SAXO1: variants seen among roughly 807,000 people sequenced by gnomAD.
SAXO1 encodes stabilizer of axonemal microtubules 1, also known as 4930500O09Rik.
Under a neutral mutation model 17.5 loss-of-function variants are expected in SAXO1, and 21 were observed. The observed-to-expected ratio is 1.20, with a 90% CI of 0.85 to 1.72. SAXO1 has a LOEUF of 1.72. Among genes scored for constraint, SAXO1 ranks in the 40% most tolerant of loss-of-function variants. The pLI, the probability that SAXO1 is intolerant of heterozygous loss-of-function variation, is 0.00. For missense variants in SAXO1, 843 were observed against 596.0 expected (o/e 1.41, Z -4.32); for synonymous variants, 274 against 216.5 (o/e 1.27, Z -2.33).
At chr9:18,994,569 C>G (rs1258290956) in intron 1 of SAXO1, among the ~76,000 whole-genome samples, 1 of 152,288 alleles carries the variant, frequency 6.6e-6, no homozygotes, top group Non-Finnish European at 1.5e-5. Context: ...AAGGATGTGG[C>G]TTCCGGCAGG....
chr9:19,004,277 C>G (rs1038601505), intron 1 of SAXO1, among the ~76,000 whole-genome samples: 3 of 152,208 alleles, frequency 2.0e-5, no homozygotes, highest in Non-Finnish European at 4.4e-5. Context: ...TGCTTTTACA[C>G]TGTTGGTGGG....
chr9:18,941,562 C>A, intron 3 of SAXO1, 75 bp downstream of exon 3: 1 of 1,560,578 alleles, frequency 6.4e-7, no homozygotes, highest in Middle Eastern at 2.1e-4. Context: ...TGAGTATGCA[C>A]ATAAAACACA....
At chr9:18,963,741 G>C (rs1832592052) in intron 1 of SAXO1, among the ~76,000 whole-genome samples, 1 of 152,152 alleles carries the variant, frequency 6.6e-6, no homozygotes, top group South Asian at 2.1e-4. Flanking sequence ...ACTGCAAACA[G>C]AGACAATTTG....
chr9:19,022,656 C>T (rs968366309), intron 1 of SAXO1, among the ~76,000 whole-genome samples: 3 of 152,162 alleles, frequency 2.0e-5, no homozygotes, highest in African/African-American at 7.2e-5. Flanking sequence ...TATTGACCAG[C>T]ACTGGGAGAA....
intron 1 of SAXO1, among the ~76,000 whole-genome samples, chr9:18,969,178 C>A (rs1832852290): frequency 6.6e-6 from 1 of 152,126 alleles, no homozygotes; most frequent in African/African-American, 2.4e-5. Context: ...GGCTTTAGTC[C>A]AACCACCTGG....
rs558027732 is a variant in SAXO1 at position 19,000,461 on chromosome 9, G to A, written c.38+32410C>T. 7.9e-5 allele frequency among the ~76,000 whole-genome samples: 12 copies of A among 152,214 alleles called. No individual in the cohort carries two copies. The East Asian group carries it at 1.9e-3, about 25-fold the overall frequency. On this transcript the variant is annotated intron_variant, in intron 1 of 3. Coordinates refer to ENST00000380534, the MANE Select transcript of SAXO1 (RefSeq NM_153707.4). Reference sequence around the variant, plus strand: ...CCTCTGCCAGGCCGCCCCACCGTCTGGGATGTGAGGAGTGCCTCTGCCCGC... The same window carrying A: ...CCTCTGCCAGGCCGCCCCACCGTCTAGGATGTGAGGAGTGCCTCTGCCCGC...
intron 1 of SAXO1, among the ~76,000 whole-genome samples, chr9:19,018,094 A>G (rs1023147866): frequency 6.6e-6 from 1 of 151,532 alleles, no homozygotes; most frequent in Admixed American, 6.6e-5. Context: ...CTTGAGTCTG[A>G]GAGTTTGAGG....
chr9:18,974,516 G>A (rs6475296), intron 1 of SAXO1, among the ~76,000 whole-genome samples: 123,115 of 152,154 alleles, frequency 0.81, 50,016 homozygotes, highest in Non-Finnish European at 0.83. Flanking sequence ...GAAATACAAG[G>A]TAAGCCTGGA....
chr9:18,999,812 C>A (rs1327933638), intron 1 of SAXO1, among the ~76,000 whole-genome samples: 2 of 148,784 alleles, frequency 1.3e-5, no homozygotes, highest in African/African-American at 5.0e-5. Context: ...GCCCGGCTGT[C>A]CCACTGTCTG....
At chr9:18,948,623 G>A (rs550235629) in intron 2 of SAXO1, among the ~76,000 whole-genome samples, 13 of 152,252 alleles carry the variant, frequency 8.5e-5, no homozygotes, top group African/African-American at 2.2e-4. Flanking sequence ...TTTGTTTAGC[G>A]AAGCACCATC....
intron 1 of SAXO1, among the ~76,000 whole-genome samples, chr9:18,956,329 T>A (rs770391459): frequency 6.6e-6 from 1 of 152,102 alleles, no homozygotes; most frequent in Non-Finnish European, 1.5e-5. Flanking sequence ...TCCCCTGCAA[T>A]CAACTGGCAG....
chr9:19,027,293 G>C, intron 1 of SAXO1: 3 of 875,588 alleles, frequency 3.4e-6, no homozygotes, highest in Middle Eastern at 2.2e-4. Flanking sequence ...CAGGAGACCT[G>C]GTGGGTGTGA....
Position 18,927,953 on chromosome 9 carries a change from T to C in SAXO1, c.*99A>G. 7.2e-7 allele frequency: 1 copy of C among 1,394,378 alleles called. No individual in the cohort carries two copies. Among genetic ancestry groups the C allele is most frequent in the Non-Finnish European group, 9.6e-7 (1 of 1,041,926 alleles). The allele number at this position is 1,394,378 out of a possible 1,614,324, so 86.4% of individuals were successfully genotyped here. ...GTGGTGAAGGTTTTTTGTTTTTTGT[T>C]TTTTGTCATTTTAGGGAATTCTTTT... is the stretch of plus-strand genomic sequence containing the variant. On this transcript the variant is annotated 3_prime_UTR_variant, in exon 4 of 4. Coordinates refer to ENST00000380534, the MANE Select transcript of SAXO1 (RefSeq NM_153707.4).
chr9:18,939,810 GAT>G (rs1038051763), intron 3 of SAXO1, among the ~76,000 whole-genome samples: 3 of 152,204 alleles, frequency 2.0e-5, no homozygotes, highest in African/African-American at 7.2e-5. Flanking sequence ...TTGATAAAAT[GAT>G]ATGATTAGAC....
Position 18,928,859 on chromosome 9 carries a change from G to A in SAXO1, c.618C>T (p.Asn206=). The A allele has an allele frequency of 6.2e-7, 1 of 1,614,170 alleles. No individual in the cohort carries two copies. The highest frequency in any genetic ancestry group is 8.5e-7 in the Non-Finnish European group (1 of 1,180,044). The change falls in exon 4 of 4, where the codon AAC becomes AAT. Residue 206 remains asparagine, a synonymous_variant. Coordinates refer to ENST00000380534, the MANE Select transcript of SAXO1 (RefSeq NM_153707.4). ...GGTGGGCCACATAGCTCATCTTGTAGTTAGTCACATCCTCCAAGGGGATGT... is the reference window on the plus strand; with the variant it reads ...GGTGGGCCACATAGCTCATCTTGTAATTAGTCACATCCTCCAAGGGGATGT... ...LCNIPLEDVT[N]YKMSYVAHPV...
chr9:18,961,695 C>G (rs1832491915), intron 1 of SAXO1, among the ~76,000 whole-genome samples: 1 of 152,160 alleles, frequency 6.6e-6, no homozygotes, highest in Non-Finnish European at 1.5e-5. Flanking sequence ...GCACAGTATT[C>G]CATGGTGTAT....
At chr9:19,001,123 T>C (rs773652168) in intron 1 of SAXO1, among the ~76,000 whole-genome samples, 1 of 152,248 alleles carries the variant, frequency 6.6e-6, no homozygotes, top group Middle Eastern at 3.4e-3. Flanking sequence ...CCAACCCAAA[T>C]CAACAGAATA....
At chr9:19,026,620 G>A (rs1257842764) in intron 1 of SAXO1, among the ~76,000 whole-genome samples, 4 of 152,160 alleles carry the variant, frequency 2.6e-5, no homozygotes, top group Admixed American at 1.3e-4. Flanking sequence ...TCAAGGAATC[G>A]AATTTCCAAA....
chr9:19,041,723 G>A (rs550588915), intron 1 of SAXO1, among the ~76,000 whole-genome samples: 1 of 152,078 alleles, frequency 6.6e-6, no homozygotes, highest in Non-Finnish European at 1.5e-5. Flanking sequence ...AATAGTGCTG[G>A]AAAAACTGAA....
Sources: gnomAD v4.1 joint callset for allele counts (sites outside exome capture counted in the v4.1 genomes callset) on GRCh38, gnomAD v4.1.1 for gene constraint, MANE v1.5 for transcripts, NCBI Gene and HGNC (gene_info 2026-07-23, HGNC 2026-07-21) for gene names.